The following SORT1 variants were observed in gnomAD, a reference collection of about 807,000 sequenced individuals.
SORT1 encodes the protein sortilin.
Under a neutral mutation model 101.7 loss-of-function variants are expected in SORT1, and 39 were observed. That is an observed-to-expected ratio of 0.38 (90% CI 0.30 to 0.50). SORT1 has a LOEUF of 0.50. SORT1 is among the 20% of genes least tolerant of loss of function. The pLI is 0.90. For synonymous variants in SORT1, 396 were observed against 393.7 expected (o/e 1.01, Z -0.07); for missense variants, 878 against 1,040.4 (o/e 0.84, Z 2.15).
At position 109,309,590 on chromosome 1, in the gene SORT1, CA is replaced by C. The variant is rs1162566180; in HGVS notation, c.*4452del. The stretch of plus-strand genomic sequence containing the variant: ...TTTCAGTAGGTCAGGTAACAAAGTC[CA>C]GTCTGTTTTATTTTTAACCCAAATA... On this transcript the variant is annotated 3_prime_UTR_variant, in exon 20 of 20. Transcript: ENST00000256637. The C allele has an allele frequency of 1.3e-5, 2 of 152,128 alleles. No individual in the cohort carries two copies. The highest frequency in any genetic ancestry group is 2.9e-5 in the Non-Finnish European group (2 of 68,014). The allele number at this position is 152,128 out of a possible 1,614,324, so 9.4% of individuals were successfully genotyped here. A position where few individuals can be genotyped will look rare whatever the true frequency, so the allele number is the denominator to read the frequency against.
At chr1:109,385,151 G>C (rs72981199) in intron 1 of SORT1, among the ~76,000 whole-genome samples, 2,704 of 152,102 alleles carry the variant, frequency 0.018, 90 homozygotes, top group African/African-American at 0.062. Context: ...CCCACTCCTG[G>C]GATAAAGGCC....
intron 3 of SORT1, among the ~76,000 whole-genome samples, chr1:109,365,641 G>A (rs573592380): frequency 2.0e-5 from 3 of 152,212 alleles, no homozygotes; most frequent in African/African-American, 7.2e-5. Flanking sequence ...TTATAAAGAA[G>A]CCAAGACATT....
At chr1:109,315,494 C>T (rs908482889) in intron 17 of SORT1, among the ~76,000 whole-genome samples, 3 of 152,034 alleles carry the variant, frequency 2.0e-5, no homozygotes, top group Non-Finnish European at 4.4e-5. Flanking sequence ...CCAATACACA[C>T]ACTCACACAC....
At position 109,354,544 on chromosome 1, in the gene SORT1, G is replaced by A; in HGVS notation, c.544-13C>T. On this transcript the variant is annotated splice_polypyrimidine_tract_variant and intron_variant, in intron 4 of 19. Coordinates refer to ENST00000256637, the MANE Select transcript of SORT1 (RefSeq NM_002959.7). The stretch of plus-strand genomic sequence containing the variant: ...CTGTTAACACCACCTGATAGGAAGA[G>A]GAAAGATCTGATTCAGGGTATGATA... The A allele has an allele frequency of 1.9e-6, 3 of 1,605,612 alleles. No homozygotes were observed. The highest frequency in any genetic ancestry group is 1.7e-4 in the Middle Eastern group (1 of 6,024).
intron 5 of SORT1, among the ~76,000 whole-genome samples, chr1:109,352,100 A>G (rs1387411644): frequency 6.6e-6 from 1 of 152,054 alleles, no homozygotes; most frequent in Non-Finnish European, 1.5e-5. Flanking sequence ...TATAAGGATT[A>G]AGGGAAGAAG....
At chr1:109,386,578 T>C (rs1484298180) in intron 1 of SORT1, among the ~76,000 whole-genome samples, 1 of 152,098 alleles carries the variant, frequency 6.6e-6, no homozygotes, top group Non-Finnish European at 1.5e-5. Context: ...ATAGGCCAGG[T>C]GTGGTGGCTC....
In SORT1 at chr1:109,340,731, G is replaced by A; in HGVS notation, c.1257C>T (p.Leu419=). The change falls in exon 10 of 20, where the codon CTC becomes CTT. Residue 419 remains leucine, a synonymous_variant. Transcript: ENST00000256637. ...SLRGVYITSV[L]SEDNSIQTMI... is the part of the protein sequence containing the mutation. ...TGCGATGCCGAGACTCACCTTCGGA[G>A]AGCACGCTTGTTATGTAGACGCCGC... 3 of 1,614,134 alleles carry A rather than the reference G, an allele frequency of 1.9e-6. No individual in the cohort carries two copies. The African/African-American group carries it at 4.0e-5, about 22-fold the overall frequency.
At chr1:109,345,562 A>G (rs906597338) in intron 8 of SORT1, among the ~76,000 whole-genome samples, 189 bp downstream of exon 8, 1 of 152,140 alleles carries the variant, frequency 6.6e-6, no homozygotes, top group East Asian at 1.9e-4. Flanking sequence ...ACATGGTGAC[A>G]GAAGGCCAAA....
intron 1 of SORT1, among the ~76,000 whole-genome samples, chr1:109,375,766 T>G (rs1375575417): frequency 6.6e-6 from 1 of 152,100 alleles, no homozygotes; most frequent in East Asian, 1.9e-4. Context: ...CAAAGAATGA[T>G]AGCCGACTCT....
At chr1:109,367,279 T>C in intron 3 of SORT1, 129 bp downstream of exon 3, 1 of 616,336 alleles carries the variant, frequency 1.6e-6, no homozygotes, top group South Asian at 2.1e-5. Flanking sequence ...TGTGACAGTC[T>C]GGTGAAAACT....
In SORT1 at chr1:109,313,963, T is replaced by C; in HGVS notation, c.*80A>G. On this transcript the variant is annotated 3_prime_UTR_variant, in exon 20 of 20. Coordinates refer to ENST00000256637, the MANE Select transcript of SORT1 (RefSeq NM_002959.7). ...TGGGTCCCTCGCAATGGGAAATTTA[T>C]TTCCTGAAGTTGGAGCCACAGGGAG... is the stretch of plus-strand genomic sequence containing the variant. 7.0e-7 allele frequency: 1 copy of C among 1,425,546 alleles called. No individual in the cohort carries two copies. The highest frequency in any genetic ancestry group is 9.8e-7 in the Non-Finnish European group (1 of 1,016,132). The allele number at this position is 1,425,546 out of a possible 1,614,324, so 88.3% of individuals were successfully genotyped here. A position where few individuals can be genotyped will look rare whatever the true frequency, so the allele number is the denominator to read the frequency against.
At chr1:109,318,331 T>C (rs918684593) in intron 15 of SORT1, among the ~76,000 whole-genome samples, 1 of 152,160 alleles carries the variant, frequency 6.6e-6, no homozygotes, top group Non-Finnish European at 1.5e-5. Flanking sequence ...TTTTTATTTT[T>C]AGTAGAGAGA....
intron 3 of SORT1, among the ~76,000 whole-genome samples, chr1:109,356,656 G>A (rs183678567): frequency 6.6e-6 from 1 of 152,152 alleles, no homozygotes; most frequent in Non-Finnish European, 1.5e-5. Flanking sequence ...ACCATCCCTA[G>A]GCAGAAGTCT....
intron 1 of SORT1, among the ~76,000 whole-genome samples, chr1:109,372,859 A>G (rs573486114): frequency 6.6e-5 from 10 of 151,188 alleles, no homozygotes; most frequent in Admixed American, 1.3e-4. Context: ...AGAGCGCGCC[A>G]CTGCACTCCA....
At position 109,341,014 on chromosome 1, in the gene SORT1, C is replaced by G. The variant is rs2303874; in HGVS notation, c.1109-135G>C. On this transcript the variant is annotated intron_variant, in intron 9 of 19. Coordinates refer to ENST00000256637, the MANE Select transcript of SORT1 (RefSeq NM_002959.7). ...TGTCTCTTCATGATGAAGACTCAGACCTGAGAATTAATCAAGGTTTGATAC... is the reference window on the plus strand; with the variant it reads ...TGTCTCTTCATGATGAAGACTCAGAGCTGAGAATTAATCAAGGTTTGATAC... The G allele has an allele frequency of 1.1e-3, 730 of 652,164 alleles. 9 individuals are homozygous for G. In the East Asian group the frequency reaches 0.02, roughly 18 times the overall value. The allele number at this position is 652,164 out of a possible 1,614,324, so 40.4% of individuals were successfully genotyped here. A position where few individuals can be genotyped will look rare whatever the true frequency, so the allele number is the denominator to read the frequency against.
intron 8 of SORT1, among the ~76,000 whole-genome samples, 168 bp downstream of exon 8, chr1:109,345,583 G>T (rs895432357): frequency 6.6e-6 from 1 of 151,088 alleles, no homozygotes; most frequent in Non-Finnish European, 1.5e-5. Flanking sequence ...GTGCAGAGTA[G>T]CCTATCAGTC....
intron 1 of SORT1, among the ~76,000 whole-genome samples, chr1:109,376,330 CAAAAAAAAA>C (rs35117356): frequency 1.1e-5 from 1 of 93,776 alleles, no homozygotes; most frequent in African/African-American, 4.2e-5. Flanking sequence ...GACTCCATCT[CAAAAAAAAA>C]AAAAAAAAAA....
chr1:109,361,818 T>C (rs541567928), intron 3 of SORT1, among the ~76,000 whole-genome samples: 27 of 152,312 alleles, frequency 1.8e-4, no homozygotes, highest in African/African-American at 6.0e-4. Flanking sequence ...TAGACATTCA[T>C]AGAGCAGCAA....
intron 18 of SORT1, 127 bp from the exon 19 acceptor site, chr1:109,314,511 T>C: frequency 2.4e-6 from 3 of 1,249,638 alleles, no homozygotes; most frequent in Non-Finnish European, 3.4e-6. Context: ...CAGTCCATGG[T>C]TGACATATGA....
Sources: gnomAD v4.1 joint callset for allele counts (sites outside exome capture counted in the v4.1 genomes callset) on GRCh38, gnomAD v4.1.1 for gene constraint, MANE v1.5 for transcripts, NCBI Gene and HGNC (gene_info 2026-07-23, HGNC 2026-07-21) for gene names.